PARP4: variants seen among roughly 807,000 people sequenced by gnomAD.
The protein encoded by PARP4 is poly(ADP-ribose) polymerase family member 4.
PARP4 carries 120 observed loss-of-function variants against 187.7 expected under a neutral mutation model. That is an observed-to-expected ratio of 0.64 (90% CI 0.55 to 0.74). The LOEUF is 0.74. PARP4 is among the 30% of genes least tolerant of loss of function. PARP4 has a pLI of 0.00. For missense variants in PARP4, 1,836 were observed against 2,070.5 expected (o/e 0.89, Z 2.20); for synonymous variants, 654 against 740.9 (o/e 0.88, Z 1.90).
chr13:24,460,052 G>C lies in PARP4; in HGVS notation c.2218C>G (p.Leu740Val), dbSNP rs903117142. 2.5e-6 allele frequency: 4 copies of C among 1,613,906 alleles called. No homozygotes were observed. The highest frequency in any genetic ancestry group is 3.4e-6 in the Non-Finnish European group (4 of 1,179,958). The change falls in exon 18 of 34, where the codon CTG (leucine) becomes GTG (valine). Residue 740 changes from leucine to valine, a missense_variant. Leu to Val is a conservative substitution (Grantham distance 32). Transcript: ENST00000381989. ...ATGAAAAAGACACCAACAGTGCCCA[G>C]GATGCTGAGTTCTGTGATGTAGGTA... ...KITYITELSI[L>V]GTVGVFFMPA...
rs758777459 is a variant in PARP4 at position 24,447,183 on chromosome 13, C to T, written c.3118G>A (p.Glu1040Lys). ...KSKHSWRKQI[E>K]DQMTRLCSPS... ...GAACATAGCCTGGTCATTTGGTCTT[C>T]TATCTATTTATAAAAGAGGAATTAT... The change falls in exon 26 of 34, where the codon GAA (glutamate) becomes AAA (lysine). Residue 1040 changes from glutamate (E) to lysine (K), a missense_variant. Physicochemically the swap from Glu to Lys is moderately conservative, Grantham distance 56 (BLOSUM62 1). Transcript: ENST00000381989. 6.3e-7 allele frequency: 1 copy of T among 1,597,676 alleles called. No homozygotes were observed. Among genetic ancestry groups the T allele is most frequent in the South Asian group, 1.1e-5 (1 of 87,756 alleles).
intron 3 of PARP4, 23 bp from the exon 4 acceptor site, chr13:24,500,405 C>T (rs1271277765): frequency 7.9e-6 from 12 of 1,510,244 alleles, no homozygotes; most frequent in Middle Eastern, 1.7e-4. Context: ...GCAAACAGCA[C>T]ACTTGTTTAC....
At position 24,437,849 on chromosome 13, in the gene PARP4, C is replaced by CAAAAAAAAAAAAAAAAAAAAAA. The variant is rs1216300092; in HGVS notation, c.3667-2376_3667-2375insTTTTTTTTTTTTTTTTTTTTTT. 4.2e-5 allele frequency among the ~76,000 whole-genome samples: 5 copies of CAAAAAAAAAAAAAAAAAAAAAA among 118,358 alleles called. 1 individual carries two copies. The highest frequency in any genetic ancestry group is 5.0e-4 in the East Asian group (2 of 4,018). 77.6% of individuals were successfully genotyped at this position (118,358 alleles called of 152,430 possible). A position where few individuals can be genotyped will look rare whatever the true frequency, so the allele number is the denominator to read the frequency against. On this transcript the variant is annotated intron_variant, in intron 30 of 33. Coordinates refer to ENST00000381989, the MANE Select transcript of PARP4 (RefSeq NM_006437.4). ...TGGGTGACAGAGTGAGACTCCATCTCAAAAAAAAAAAAGAATCATACTGAG... is the reference window on the plus strand; with the variant it reads ...TGGGTGACAGAGTGAGACTCCATCTCAAAAAAAAAAAAAAAAAAAAAAAAAAAAAAAAAAGAATCATACTGAG...
At chr13:24,428,570 T>A (rs7319366) in intron 32 of PARP4, among the ~76,000 whole-genome samples, 72,405 of 152,018 alleles carry the variant, frequency 0.48, 19,234 homozygotes, top group South Asian at 0.64. Context: ...AGCCTCAACA[T>A]CCCAGGGCTC....
In PARP4 at chr13:24,435,143, G is replaced by A. The variant is rs1415904770; in HGVS notation, c.3998C>T (p.Ala1333Val). The change falls in exon 31 of 34, where the codon GCT (alanine) becomes GTT (valine). Residue 1333 changes from alanine (A) to valine (V), a missense_variant. Ala to Val is a moderately conservative substitution (Grantham distance 64, BLOSUM62 0). Transcript: ENST00000381989. ...VGSYLPPTAR[A>V]HSPASLSFAS... ...AAAAGACAAGGAAGCAGGACTGTGA[G>A]CGCGGGCAGTCGGGGGAAGATAGGA... 3 of 1,614,206 alleles carry A rather than the reference G, an allele frequency of 1.9e-6. No individual in the cohort carries two copies. Among genetic ancestry groups the A allele is most frequent in the Non-Finnish European group, 2.5e-6 (3 of 1,180,032 alleles).
At chr13:24,462,161 C>T (rs73154308) in intron 17 of PARP4, among the ~76,000 whole-genome samples, 12,001 of 152,240 alleles carry the variant, frequency 0.079, 650 homozygotes, top group Non-Finnish European at 0.12. Context: ...GAGCCTAGTA[C>T]AGCACATCAA....
In PARP4 at chr13:24,500,320, T is replaced by G. The variant is rs748618034; in HGVS notation, c.397A>C (p.Thr133Pro). ...AATCAGAAAGAAGTAAATTACTCAG[T>G]GAGTTCCACAGTGTCTTCCTCCTCT... ...ATEEEDTVEL[T>P]EFGMQNVEIP... Residue 133 changes from threonine (T) to proline (P), a missense_variant, in exon 4 of 34, where the codon ACT becomes CCT. Thr to Pro is a conservative substitution (Grantham distance 38, BLOSUM62 -1). Around this residue, in one of 8 missense-constraint regions of PARP4, gnomAD observed 1,147 missense variants for 1,214.2 expected, o/e 0.94. Coordinates refer to ENST00000381989, the MANE Select transcript of PARP4 (RefSeq NM_006437.4). 7.0e-6 allele frequency: 11 copies of G among 1,579,592 alleles called. No individual in the cohort carries two copies.
At chr13:24,436,964 A>G (rs1593591248) in intron 30 of PARP4, among the ~76,000 whole-genome samples, 1 of 152,344 alleles carries the variant, frequency 6.6e-6, no homozygotes, top group African/African-American at 2.4e-5. Context: ...TAAAAATTAG[A>G]GAAGCAAACT....
At chr13:24,467,888 TAC>T (rs1275292800) in intron 17 of PARP4, among the ~76,000 whole-genome samples, 1 of 152,160 alleles carries the variant, frequency 6.6e-6, no homozygotes, top group Non-Finnish European at 1.5e-5. Context: ...CTTCTATACA[TAC>T]AGTTTGGCCA....
At chr13:24,485,747 G>C (rs1237633619) in intron 11 of PARP4, among the ~76,000 whole-genome samples, 3 of 152,148 alleles carry the variant, frequency 2.0e-5, no homozygotes, top group Non-Finnish European at 2.9e-5. Context: ...CCCTAGATTA[G>C]ATACACATGG....
rs61652090 is a variant in PARP4, at chr13:24,500,365, G to C, written c.352C>G (p.Leu118Val). ...ASSSEVKTEG[L>V]CPDSATEEED... ...TCCTCTGTGGCACTGTCCGGGCATA[G>C]ACCTTCTGTTTTCACTTCTAGAATT... Residue 118 changes from leucine (L) to valine (V), a missense_variant, in exon 4 of 34, where the codon CTA (leucine) becomes GTA (valine). Around this residue, in one of 8 missense-constraint regions of PARP4, gnomAD observed 1,147 missense variants for 1,214.2 expected, o/e 0.94. Transcript: ENST00000381989. 929 of 1,602,742 alleles carry C rather than the reference G, an allele frequency of 5.8e-4. 4 individuals are homozygous for C. The African/African-American group carries it at 0.011, about 19-fold the overall frequency.
In PARP4 at chr13:24,442,478, C is replaced by T. The variant is rs1870988319; in HGVS notation, c.3543+112G>A. 1.2e-5 allele frequency: 10 copies of T among 810,668 alleles called. No individual in the cohort carries two copies. The East Asian group carries it at 2.7e-4, about 22-fold the overall frequency. The allele number at this position is 810,668 out of a possible 1,614,324, so 50.2% of individuals were successfully genotyped here. A position where few individuals can be genotyped will look rare whatever the true frequency, so the allele number is the denominator to read the frequency against. On this transcript the variant is annotated intron_variant, in intron 29 of 33. Transcript: ENST00000381989. ...CCTGCTGACCTGTCTGCAACCCACA[C>T]TTCCCAGGCCCAGGGTGTGGATGTC...
At chr13:24,427,386 T>TG (rs1870112615) in intron 32 of PARP4, among the ~76,000 whole-genome samples, 1 of 151,020 alleles carries the variant, frequency 6.6e-6, no homozygotes, top group African/African-American at 2.4e-5. Flanking sequence ...TTTTTTTTTT[T>TG]TGGAGAAGAC....
intron 25 of PARP4, 86 bp from the exon 26 acceptor site, chr13:24,447,272 T>C: frequency 2.2e-6 from 2 of 910,000 alleles, no homozygotes; most frequent in Middle Eastern, 3.6e-4. Flanking sequence ...ATACATTCTA[T>C]CCTTTGGGAA....
intron 31 of PARP4, 46 bp from the exon 32 acceptor site, chr13:24,431,522 A>G (rs370844309): frequency 4.0e-6 from 5 of 1,249,242 alleles, no homozygotes; most frequent in Non-Finnish European, 5.8e-6. Context: ...TTCACATTTT[A>G]TCACATAAGA....
At chr13:24,423,608 C>A (rs1435006127) in intron 33 of PARP4, among the ~76,000 whole-genome samples, 1 of 152,014 alleles carries the variant, frequency 6.6e-6, no homozygotes, top group African/African-American at 2.4e-5. Flanking sequence ...AAATTCTCAT[C>A]TTTCTTGGCA....
Position 24,459,039 on chromosome 13 carries a change from C to T in PARP4, c.2424+5G>A. ...CAGCTCTTAAGAAATCAAAGATGCACTAACCTTTTGTTTCAGTTCATGTGT... is the reference window on the plus strand; with the variant it reads ...CAGCTCTTAAGAAATCAAAGATGCATTAACCTTTTGTTTCAGTTCATGTGT... On this transcript the variant is annotated splice_donor_5th_base_variant and intron_variant, in intron 20 of 33. Transcript: ENST00000381989. 3 of 1,581,838 alleles carry T rather than the reference C, an allele frequency of 1.9e-6. No homozygotes were observed. Among genetic ancestry groups the T allele is most frequent in the Non-Finnish European group, 2.6e-6 (3 of 1,151,578 alleles).
chr13:24,477,983 T>C (rs1873073156), intron 13 of PARP4, 110 bp downstream of exon 13: 5 of 1,053,144 alleles, frequency 4.7e-6, no homozygotes, highest in South Asian at 1.8e-5. Context: ...GCAGTAAATA[T>C]ATAACAATTA....
intron 17 of PARP4, among the ~76,000 whole-genome samples, chr13:24,465,887 G>A (rs1040083236): frequency 5.9e-5 from 9 of 152,236 alleles, no homozygotes; most frequent in Admixed American, 3.3e-4. Context: ...AGAAACGAAC[G>A]TATACTGGTT....
Sources: gnomAD v4.1 joint callset for allele counts (sites outside exome capture counted in the v4.1 genomes callset) on GRCh38, gnomAD v4.1.1 for gene constraint, gnomAD v4.1.1 regional missense constraint, MANE v1.5 for transcripts, NCBI Gene and HGNC (gene_info 2026-07-23, HGNC 2026-07-21) for gene names.